Variants in PLXDC2 observed in about 807,000 individuals in gnomAD.
The protein encoded by PLXDC2 is plexin domain containing 2, also known as plexin domain-containing protein 2.
In PLXDC2, 40 loss-of-function variants were observed where a neutral mutation model predicts 68.9. That is an observed-to-expected ratio of 0.58 (90% CI 0.45 to 0.76). The LOEUF is 0.76. PLXDC2 is among the 30% of genes least tolerant of loss of function. PLXDC2 has a pLI of 0.00. For synonymous variants in PLXDC2, 243 were observed against 234.2 expected, an observed-to-expected ratio of 1.04 and a Z score of -0.34; for missense variants, 644 against 661.9, an observed-to-expected ratio of 0.97 and a Z score of 0.30.
intron 1 of PLXDC2, among the ~76,000 whole-genome samples, chr10:19,846,441 C>A (rs1837011731): frequency 6.6e-6 from 1 of 152,128 alleles, no homozygotes; most frequent in South Asian, 2.1e-4. Flanking sequence ...AATGAATGAC[C>A]CTTTGGTTTT....
intron 1 of PLXDC2, among the ~76,000 whole-genome samples, chr10:19,955,894 C>T (rs1306886303): frequency 2.0e-5 from 3 of 152,042 alleles, no homozygotes; most frequent in Admixed American, 1.3e-4. Context: ...GCCTGGTCAA[C>T]GTGGTGAAAC....
chr10:20,177,016 A>G lies in PLXDC2; in HGVS notation c.901A>G (p.Ile301Val). ...TTTTCTAGATGTTCGAAGAAGAACA[A>G]TTTATGAATACCACCGAGTAGAGCT... is the stretch of plus-strand genomic sequence containing the variant. ...QQIPNVRRRT[I>V]YEYHRVELQM... The change falls in exon 8 of 14, where the codon ATT becomes GTT. Residue 301 changes from isoleucine to valine, a missense_variant. Coordinates refer to ENST00000377252, the MANE Select transcript of PLXDC2 (RefSeq NM_032812.9). 6.2e-7 allele frequency: 1 copy of G among 1,608,904 alleles called. No homozygotes were observed. The highest frequency in any genetic ancestry group is 8.5e-7 in the Non-Finnish European group (1 of 1,177,904).
chr10:19,947,528 C>T (rs1290562885), intron 1 of PLXDC2, among the ~76,000 whole-genome samples: 1 of 152,160 alleles, frequency 6.6e-6, no homozygotes, highest in African/African-American at 2.4e-5. Flanking sequence ...ACATCTTGTG[C>T]TTTACTGCTC....
intron 1 of PLXDC2, among the ~76,000 whole-genome samples, chr10:19,848,768 T>C (rs539108792): frequency 3.3e-5 from 5 of 152,282 alleles, no homozygotes; most frequent in Admixed American, 3.3e-4. Flanking sequence ...TCTTTTTGGC[T>C]GCACTTGAAT....
intron 2 of PLXDC2, among the ~76,000 whole-genome samples, chr10:20,020,053 G>T (rs1384088044): frequency 7.2e-6 from 1 of 138,972 alleles, no homozygotes; most frequent in South Asian, 2.2e-4. Context: ...TTGAGGCAGG[G>T]CTTGCTCTGT....
intron 4 of PLXDC2, among the ~76,000 whole-genome samples, chr10:20,127,781 G>A (rs948110627): frequency 6.6e-6 from 1 of 152,128 alleles, no homozygotes; most frequent in African/African-American, 2.4e-5. Context: ...CTTGCACCCA[G>A]GAGTTCAACT....
intron 1 of PLXDC2, among the ~76,000 whole-genome samples, chr10:19,841,658 G>T (rs1404002102): frequency 6.9e-6 from 1 of 145,766 alleles, no homozygotes; most frequent in Non-Finnish European, 1.5e-5. Flanking sequence ...TTCTTCATTT[G>T]TAAAATGAGA....
At chr10:20,135,289 T>C (rs890917563) in intron 4 of PLXDC2, among the ~76,000 whole-genome samples, 2 of 152,196 alleles carry the variant, frequency 1.3e-5, no homozygotes, top group Non-Finnish European at 2.9e-5. Flanking sequence ...AGGTACTTTG[T>C]GTACTATAAA....
At chr10:19,944,221 G>A (rs1476373890) in intron 1 of PLXDC2, among the ~76,000 whole-genome samples, 1 of 152,150 alleles carries the variant, frequency 6.6e-6, no homozygotes, top group East Asian at 1.9e-4. Context: ...ATCCCACTGA[G>A]AAGCCATCCC....
At chr10:20,088,876 A>T (rs1564311206) in intron 4 of PLXDC2, among the ~76,000 whole-genome samples, 1 of 152,226 alleles carries the variant, frequency 6.6e-6, no homozygotes, top group Non-Finnish European at 1.5e-5. Flanking sequence ...GGAATGCTCT[A>T]TGATTTAGGA....
chr10:20,139,838 A>G (rs1386186487), intron 4 of PLXDC2, among the ~76,000 whole-genome samples: 2 of 133,294 alleles, frequency 1.5e-5, no homozygotes. Flanking sequence ...GGAACATCAC[A>G]CACGGGGGCC....
At chr10:19,954,394 G>A (rs1834035844) in intron 1 of PLXDC2, among the ~76,000 whole-genome samples, 5 of 152,202 alleles carry the variant, frequency 3.3e-5, no homozygotes, top group Admixed American at 3.3e-4. Context: ...AAACCCAGGA[G>A]TAAGCATCTA....
chr10:20,176,864 T>C (rs887574427), intron 7 of PLXDC2, 135 bp from the exon 8 acceptor site: 8 of 610,094 alleles, frequency 1.3e-5, no homozygotes, highest in African/African-American at 1.1e-4. Context: ...TTGTAATCAG[T>C]CTTCTCACAG....
intron 1 of PLXDC2, among the ~76,000 whole-genome samples, chr10:19,831,061 G>A (rs1836681788): frequency 6.6e-6 from 1 of 151,494 alleles, no homozygotes; most frequent in Non-Finnish European, 1.5e-5. Flanking sequence ...TTGGTATATA[G>A]AAGGCAATTA....
At chr10:20,044,094 C>CCCTTCCTT (rs376988347) in intron 2 of PLXDC2, among the ~76,000 whole-genome samples, 665 of 32,878 alleles carry the variant, frequency 0.02, 101 homozygotes, top group Middle Eastern at 0.031. Context: ...TGGCTTTTTC[C>CCCTTCCTT]CCTTCCTTCC....
At chr10:19,885,797 A>G (rs915070072) in intron 1 of PLXDC2, among the ~76,000 whole-genome samples, 7 of 152,156 alleles carry the variant, frequency 4.6e-5, no homozygotes, top group African/African-American at 1.7e-4. Flanking sequence ...TGATGCCTCC[A>G]GCTTTGTTCT....
intron 12 of PLXDC2, among the ~76,000 whole-genome samples, chr10:20,230,628 C>A (rs1462796105): frequency 7.4e-6 from 1 of 135,536 alleles, no homozygotes; most frequent in African/African-American, 2.8e-5. Context: ...GTCATGGTCA[C>A]ACCAGTTCAC....
At chr10:20,230,707 A>AAAAAAAAAAAAAAAAAAAAAAAC (rs1564361132) in intron 12 of PLXDC2, among the ~76,000 whole-genome samples, 1 of 149,408 alleles carries the variant, frequency 6.7e-6, no homozygotes, top group Non-Finnish European at 1.5e-5. Flanking sequence ...AAAAAAAAAA[A>AAAAAAAAAAAAAAAAAAAAAAAC]AAAAAAACAG....
intron 6 of PLXDC2, among the ~76,000 whole-genome samples, 175 bp downstream of exon 6, chr10:20,148,077 T>G (rs1047200174): frequency 1.3e-5 from 2 of 152,178 alleles, no homozygotes; most frequent in African/African-American, 4.8e-5. Flanking sequence ...CTGGGTGCAT[T>G]GATTGTTAGC....
Sources: gnomAD v4.1 joint callset for allele counts (sites outside exome capture counted in the v4.1 genomes callset) on GRCh38, gnomAD v4.1.1 for gene constraint, MANE v1.5 for transcripts, NCBI Gene and HGNC (gene_info 2026-07-23, HGNC 2026-07-21) for gene names.